The following MACF1 variants were observed in gnomAD, a reference collection of about 807,000 sequenced individuals.
MACF1 encodes microtubule-actin cross-linking factor 1.
In MACF1, 193 loss-of-function variants were observed where a neutral mutation model predicts 854.8. The ratio of observed to expected loss-of-function variants is 0.23; its 90% confidence interval spans 0.20 to 0.25. MACF1 has a LOEUF of 0.25. Ranked by LOEUF, MACF1 falls within the 10% of genes least tolerant of loss-of-function variation. The probability of loss-of-function intolerance (pLI) is 1.00; values close to 1 mark genes in which losing one functional copy is unlikely to be tolerated. For synonymous variants in MACF1, 3,185 were observed against 3,226.7 expected (o/e 0.99, Z 0.44); for missense variants, 7,722 against 8,929.1 (o/e 0.86, Z 5.45).
intron 97 of MACF1, among the ~76,000 whole-genome samples, chr1:39,475,406 C>T (rs187326126): frequency 6.7e-6 from 1 of 148,354 alleles, no homozygotes; most frequent in Non-Finnish European, 1.5e-5. Context: ...GAGGTCAAGG[C>T]TACAGTGAGC....
intron 2 of MACF1, among the ~76,000 whole-genome samples, chr1:39,104,341 C>T (rs530622923): frequency 6.6e-6 from 1 of 152,342 alleles, no homozygotes; most frequent in Non-Finnish European, 1.5e-5. Context: ...GTTGGGAGCT[C>T]TGTCCTCAAA....
intron 51 of MACF1, among the ~76,000 whole-genome samples, chr1:39,370,996 T>C (rs1236016801): frequency 3.3e-5 from 5 of 152,126 alleles, no homozygotes; most frequent in Admixed American, 2.0e-4. Context: ...AGTAAAGCCA[T>C]AGTTTGGGGA....
intron 2 of MACF1, among the ~76,000 whole-genome samples, chr1:39,178,331 A>G (rs1460537535): frequency 2.0e-5 from 3 of 152,176 alleles, no homozygotes; most frequent in Non-Finnish European, 2.9e-5. Context: ...GACAGTGCAC[A>G]TGTACTAACA....
At chr1:39,449,666 G>T (rs1261541788) in intron 84 of MACF1, among the ~76,000 whole-genome samples, 1 of 149,628 alleles carries the variant, frequency 6.7e-6, no homozygotes, top group Admixed American at 6.6e-5. Context: ...CCAAAGTGCT[G>T]GGATTACAGG....
chr1:39,195,859 C>T (rs947515732), intron 2 of MACF1, among the ~76,000 whole-genome samples: 7 of 152,048 alleles, frequency 4.6e-5, no homozygotes, highest in Non-Finnish European at 8.8e-5. Flanking sequence ...TTGTGGTGAA[C>T]GAGGGCAGGG....
chr1:39,470,051 C>G (rs146989222), intron 97 of MACF1, among the ~76,000 whole-genome samples: 61 of 152,302 alleles, frequency 4.0e-4, no homozygotes, highest in African/African-American at 1.5e-3. Flanking sequence ...TGCCCCTAGT[C>G]AGCATGTTAT....
At chr1:39,130,320 A>G (rs2148169969) in intron 2 of MACF1, among the ~76,000 whole-genome samples, 1 of 152,358 alleles carries the variant, frequency 6.6e-6, no homozygotes, top group East Asian at 1.9e-4. Context: ...GGCATGATTT[A>G]GCTGTAACTA....
intron 28 of MACF1, 39 bp from the exon 29 acceptor site, chr1:39,317,175 G>A: frequency 6.3e-7 from 1 of 1,592,066 alleles, no homozygotes; most frequent in Non-Finnish European, 8.6e-7. Context: ...TTTTAGCATG[G>A]AAAGTATACA....
At chr1:39,444,597 A>C in intron 79 of MACF1, 65 bp from the exon 80 acceptor site, 1 of 1,431,388 alleles carries the variant, frequency 7.0e-7, no homozygotes, top group Non-Finnish European at 9.5e-7. Flanking sequence ...TCTGCTACAG[A>C]ATCTATATGT....
upstream of MACF1, among the ~76,000 whole-genome samples, chr1:39,202,618 GA>G (rs1644405132): frequency 6.6e-6 from 1 of 151,320 alleles, no homozygotes; most frequent in African/African-American, 2.4e-5. Flanking sequence ...CTGGGCAACA[GA>G]GCAAGACTCT....
intron 97 of MACF1, among the ~76,000 whole-genome samples, chr1:39,477,064 T>TACACACACACAC (rs1557674885): frequency 5.4e-5 from 1 of 18,442 alleles, no homozygotes; most frequent in Non-Finnish European, 9.1e-5. Context: ...TATATATATA[T>TACACACACACAC]ATATATATAT....
At chr1:39,363,510 A>G (rs1557610874) in intron 49 of MACF1, among the ~76,000 whole-genome samples, 1 of 152,090 alleles carries the variant, frequency 6.6e-6, no homozygotes, top group East Asian at 1.9e-4. Context: ...AAATCACTTA[A>G]TATGGATTCA....
Position 39,361,375 on chromosome 1 carries a change from A to G in MACF1, c.12469A>G (p.Ile4157Val), listed in dbSNP as rs1269290279. 7 of 1,613,178 alleles carry G rather than the reference A, an allele frequency of 4.3e-6. No homozygotes were observed. The Admixed American group carries it at 5.0e-5, about 12-fold the overall frequency. The change falls in exon 49 of 101, where the codon ATT becomes GTT. Residue 4157 changes from isoleucine to valine, a missense_variant. Physicochemically the swap from Ile to Val is conservative, Grantham distance 29. Around this residue, in one of 15 missense-constraint regions of MACF1, gnomAD observed 2,807 missense variants for 3,235.8 expected, o/e 0.87. Transcript: ENST00000564288. The stretch of plus-strand genomic sequence containing the variant: ...TTCATGACAGAAATTGAAGCAGGAC[A>G]TTGCTCGGCAAAAGAGCAGCTTGGA... ...LATNMKLKQD[I>V]ARQKSSLEAT...
intron 88 of MACF1, among the ~76,000 whole-genome samples, chr1:39,454,628 C>T (rs561672227): frequency 1.3e-5 from 2 of 152,074 alleles, no homozygotes; most frequent in Admixed American, 1.3e-4. Context: ...TGGTGAAACC[C>T]ATCTCTACTA....
Position 39,393,196 on chromosome 1 carries a change from AATAT to A in MACF1, c.15816+4563_15816+4566del, listed in dbSNP as rs1553345251. Among the ~76,000 whole-genome samples the A allele has an allele frequency of 2.2e-3, 146 of 66,558 alleles. 1 individual carries two copies. The highest frequency in any genetic ancestry group is 4.4e-3 in the African/African-American group (52 of 11,880). 43.7% of individuals were successfully genotyped at this position (66,558 alleles called of 152,430 possible). The stretch of plus-strand genomic sequence containing the variant: ...CTGGGAAGGGTAAAAAAAAAAAAAA[AATAT>A]ATATATATATATATATATATATATG... On this transcript the variant is annotated intron_variant, in intron 58 of 100. Transcript: ENST00000564288.
Position 39,254,127 on chromosome 1 carries a change from G to C in MACF1, c.358-171G>C, listed in dbSNP as rs150898934. ...TTTGGGGACCTCAGAGAGCCTGGTCGAAACACGTACAGGCCTGGTCTTAGG... is the reference window on the plus strand; with the variant it reads ...TTTGGGGACCTCAGAGAGCCTGGTCCAAACACGTACAGGCCTGGTCTTAGG... On this transcript the variant is annotated intron_variant, in intron 4 of 100. Transcript: ENST00000564288. 348 of 585,428 alleles carry C rather than the reference G, an allele frequency of 5.9e-4. No homozygotes were observed. In the African/African-American group the frequency reaches 6.0e-3, roughly 10 times the overall value. 36.3% of individuals were successfully genotyped at this position (585,428 alleles called of 1,614,324 possible).
At chr1:39,404,171 A>C (rs1016685873) in intron 58 of MACF1, among the ~76,000 whole-genome samples, 31 of 145,856 alleles carry the variant, frequency 2.1e-4, no homozygotes, top group Admixed American at 9.4e-4. Flanking sequence ...ATAAATAAAT[A>C]AATAAATAAA....
At chr1:39,422,247 G>A (rs1423466877) in intron 58 of MACF1, 127 bp from the exon 59 acceptor site, 5 of 682,988 alleles carry the variant, frequency 7.3e-6, no homozygotes, top group Middle Eastern at 3.5e-4. Flanking sequence ...GCAAATGCTT[G>A]TTCTTTCTTT....
intron 2 of MACF1, among the ~76,000 whole-genome samples, chr1:39,187,518 A>G (rs923287424): frequency 6.6e-6 from 1 of 152,044 alleles, no homozygotes; most frequent in East Asian, 1.9e-4. Flanking sequence ...TGTTTCCCAG[A>G]GCTGATGTCG....
Sources: gnomAD v4.1 joint callset for allele counts (sites outside exome capture counted in the v4.1 genomes callset) on GRCh38, gnomAD v4.1.1 for gene constraint, gnomAD v4.1.1 regional missense constraint, MANE v1.5 for transcripts, NCBI Gene and HGNC (gene_info 2026-07-23, HGNC 2026-07-21) for gene names.